CREM: variants seen among roughly 807,000 people sequenced by gnomAD.
The protein encoded by CREM is cAMP responsive element modulator.
A neutral mutation model predicts 37.3 loss-of-function variants in CREM; 13 were observed. The observed-to-expected ratio is 0.35, with a 90% confidence interval of 0.23 to 0.55. The LOEUF is 0.55. Ranked by LOEUF, CREM falls within the 20% of genes least tolerant of loss-of-function variation. The pLI is 0.88. For synonymous variants in CREM, 124 were observed against 120.2 expected, an observed-to-expected ratio of 1.03 and a Z score of -0.21; for missense variants, 296 against 362.3, an observed-to-expected ratio of 0.82 and a Z score of 1.49.
intron 3 of CREM, among the ~76,000 whole-genome samples, chr10:35,158,929 C>CAT (rs1020873254): frequency 2.6e-4 from 39 of 149,682 alleles, no homozygotes; most frequent in African/African-American, 8.6e-4. Context: ...GTTCAAGCAA[C>CAT]ATATATATCA....
intron 3 of CREM, among the ~76,000 whole-genome samples, chr10:35,149,277 G>A (rs2092398577): frequency 6.6e-6 from 1 of 152,172 alleles, no homozygotes; most frequent in Non-Finnish European, 1.5e-5. Context: ...AGGTGAGGAA[G>A]CATATTCTAG....
At chr10:35,135,841 G>A (rs1213929234) in intron 1 of CREM, among the ~76,000 whole-genome samples, 1 of 151,930 alleles carries the variant, frequency 6.6e-6, no homozygotes, top group African/African-American at 2.4e-5. Context: ...AATTCAAAGA[G>A]GACAAAGTTT....
At chr10:35,196,412 T>C in intron 6 of CREM, 1 of 369,212 alleles carries the variant, frequency 2.7e-6, no homozygotes, top group East Asian at 5.3e-5. Context: ...TATTCAGTGG[T>C]CTTGTTTGTA....
At chr10:35,163,614 T>G (rs543925127) in intron 3 of CREM, among the ~76,000 whole-genome samples, 1 of 152,120 alleles carries the variant, frequency 6.6e-6, no homozygotes, top group African/African-American at 2.4e-5. Flanking sequence ...GGTCAGGAGT[T>G]CAAGACCAGC....
chr10:35,179,364 T>C, intron 5 of CREM, 88 bp downstream of exon 5: 1 of 1,480,374 alleles, frequency 6.8e-7, no homozygotes, highest in Non-Finnish European at 9.1e-7. Context: ...GGCATTAAAT[T>C]GTTCCATTTT....
chr10:35,173,770 T>G (rs2093928517), intron 3 of CREM, among the ~76,000 whole-genome samples: 1 of 152,162 alleles, frequency 6.6e-6, no homozygotes, highest in African/African-American at 2.4e-5. Context: ...AAGTCAGTGT[T>G]CCTCCTTCTT....
Position 35,179,123 on chromosome 10 carries a change from T to C in CREM, c.267-11T>C. The C allele has an allele frequency of 6.2e-7, 1 of 1,602,892 alleles. No individual in the cohort carries two copies. The highest frequency in any genetic ancestry group is 8.5e-7 in the Non-Finnish European group (1 of 1,173,244). On this transcript the variant is annotated splice_polypyrimidine_tract_variant and intron_variant, in intron 4 of 7. Coordinates refer to ENST00000685392, the MANE Select transcript of CREM (RefSeq NM_183011.2). ...TATCTTAGTGACTTACCTTGTTAAA[T>C]TGTATTTTAGGAAAATACTGAATGA... is the stretch of plus-strand genomic sequence containing the variant.
chr10:35,170,014 G>T (rs11010112), intron 3 of CREM, among the ~76,000 whole-genome samples: 4,438 of 149,432 alleles, frequency 0.03, 222 homozygotes, highest in African/African-American at 0.1. Flanking sequence ...CCAAGCTGGA[G>T]TGCAGTGGCA....
In CREM at chr10:35,204,621, A is replaced by T. The variant is rs571470538; in HGVS notation, c.599-2274A>T. ...CAAAAAAAAAAAAAAAAAAAAATCA[A>T]TTATTCCCTATCACCAATGTTTTAA... On this transcript the variant is annotated intron_variant, in intron 6 of 7. Coordinates refer to ENST00000685392, the MANE Select transcript of CREM (RefSeq NM_183011.2). Among the ~76,000 whole-genome samples the T allele has an allele frequency of 1.6e-4, 25 of 151,580 alleles. No individual in the cohort carries two copies. The South Asian group carries it at 5.0e-3, about 30-fold the overall frequency.
intron 2 of CREM, among the ~76,000 whole-genome samples, chr10:35,140,431 T>C (rs895760664): frequency 1.3e-5 from 2 of 152,188 alleles, no homozygotes; most frequent in African/African-American, 2.4e-5. Context: ...CTACCTATTA[T>C]GTTCCCTGTA....
At chr10:35,195,794 T>C in intron 6 of CREM, 1 of 503,306 alleles carries the variant, frequency 2.0e-6, no homozygotes, top group Non-Finnish European at 3.6e-6. Flanking sequence ...TTACATTTCC[T>C]GGAATCGTAT....
chr10:35,210,091 C>T (rs375154092), intron 7 of CREM, among the ~76,000 whole-genome samples: 12 of 151,522 alleles, frequency 7.9e-5, no homozygotes, highest in Middle Eastern at 3.4e-3. Flanking sequence ...ATCATGTATA[C>T]ATCACATGTG....
At chr10:35,166,326 G>C (rs773084369) in intron 3 of CREM, among the ~76,000 whole-genome samples, 35 of 152,254 alleles carry the variant, frequency 2.3e-4, no homozygotes, top group South Asian at 1.2e-3. Flanking sequence ...ACTTTGGGAG[G>C]CCAAGGCGGG....
chr10:35,158,716 A>T (rs2093070070), intron 3 of CREM: 1 of 152,442 alleles, frequency 6.6e-6, no homozygotes, highest in African/African-American at 2.4e-5. Context: ...AACATAGCTC[A>T]AGTTATATTC....
At chr10:35,186,884 TATA>T (rs1280237085) in intron 5 of CREM, among the ~76,000 whole-genome samples, 40 of 96,154 alleles carry the variant, frequency 4.2e-4, no homozygotes, top group Admixed American at 2.1e-3. Flanking sequence ...ATATATAAAA[TATA>T]AATAATTATA....
rs886329187 is a variant in CREM, at chr10:35,201,474, A to G, written c.599-5421A>G. ...AGATGAGGAAACTGAACTTGCCCCAAGTCACATGGCTGGTAAGTGGCAGAG... is the reference window on the plus strand; with the variant it reads ...AGATGAGGAAACTGAACTTGCCCCAGGTCACATGGCTGGTAAGTGGCAGAG... On this transcript the variant is annotated intron_variant, in intron 6 of 7. Coordinates refer to ENST00000685392, the MANE Select transcript of CREM (RefSeq NM_183011.2). The G allele has an allele frequency of 3.2e-6, 5 of 1,551,564 alleles. No homozygotes were observed. In the African/African-American group the frequency reaches 5.5e-5, roughly 17 times the overall value.
intron 3 of CREM, among the ~76,000 whole-genome samples, chr10:35,152,811 A>G (rs902503031): frequency 5.3e-5 from 8 of 152,330 alleles, no homozygotes; most frequent in African/African-American, 1.9e-4. Flanking sequence ...TAAAATAGTG[A>G]CACTTACATC....
intron 3 of CREM, among the ~76,000 whole-genome samples, chr10:35,165,834 C>T (rs1397483182): frequency 6.6e-6 from 1 of 151,642 alleles, no homozygotes; most frequent in Non-Finnish European, 1.5e-5. Flanking sequence ...AAAAGTTTAG[C>T]TAGGGCACTG....
At chr10:35,156,667 AG>A (rs1265115812) in intron 3 of CREM, among the ~76,000 whole-genome samples, 1 of 152,214 alleles carries the variant, frequency 6.6e-6, no homozygotes, top group Non-Finnish European at 1.5e-5. Context: ...TTCATTGCAT[AG>A]TTGTGACGAT....
Sources: gnomAD v4.1 joint callset for allele counts (sites outside exome capture counted in the v4.1 genomes callset) on GRCh38, gnomAD v4.1.1 for gene constraint, MANE v1.5 for transcripts, NCBI Gene and HGNC (gene_info 2026-07-23, HGNC 2026-07-21) for gene names.